Variants in FRMD4B observed in about 807,000 individuals in gnomAD.
FRMD4B encodes the protein FERM domain-containing protein 4B.
In FRMD4B, 74 loss-of-function variants were observed where a neutral mutation model predicts 141.5. The ratio of observed to expected loss-of-function variants is 0.52; its 90% CI spans 0.43 to 0.63. The LOEUF (loss-of-function observed/expected upper bound fraction) is 0.63, where lower values mean the gene tolerates loss of function less well. Ranked by LOEUF, FRMD4B falls within the 30% of genes least tolerant of loss-of-function variation. The pLI is 0.00. For missense variants in FRMD4B, 1,366 were observed against 1,253.4 expected, an observed-to-expected ratio of 1.09 and a Z score of -1.36; for synonymous variants, 506 against 467.9, an observed-to-expected ratio of 1.08 and a Z score of -1.05.
At chr3:69,306,862 T>C (rs1701412389) in intron 3 of FRMD4B, 1 of 152,108 alleles carries the variant, frequency 6.6e-6, no homozygotes, top group Non-Finnish European at 1.5e-5. Flanking sequence ...ACTCAGTGGT[T>C]TTACGGGGGC....
chr3:69,220,835 C>A (rs1406987023), intron 9 of FRMD4B, among the ~76,000 whole-genome samples: 4 of 152,074 alleles, frequency 2.6e-5, no homozygotes, highest in African/African-American at 9.7e-5. Flanking sequence ...GCCTGGGTGA[C>A]AGAGCAAGAC....
chr3:69,229,798 C>T (rs751824013), intron 7 of FRMD4B, among the ~76,000 whole-genome samples: 13 of 152,046 alleles, frequency 8.6e-5, no homozygotes, highest in Admixed American at 7.2e-4. Context: ...AACAAGGACC[C>T]GGGTTCAAAT....
At chr3:69,513,733 T>G (rs925392935) in intron 1 of FRMD4B, among the ~76,000 whole-genome samples, 2 of 152,014 alleles carry the variant, frequency 1.3e-5, no homozygotes, top group African/African-American at 4.8e-5. Context: ...ACAAAGATAG[T>G]TCAACATGAA....
At position 69,171,193 on chromosome 3, in the gene FRMD4B, A is replaced by G. The variant is rs985481302; in HGVS notation, c.*668T>C. ...GCTTCATTTTCCCCAATCTGCTACC[A>G]TAAGTTATATTACAGGATGCTAAGG... On this transcript the variant is annotated 3_prime_UTR_variant, in exon 23 of 23. Coordinates refer to ENST00000398540, the MANE Select transcript of FRMD4B (RefSeq NM_015123.3). 1 of 152,300 alleles carries G rather than the reference A, an allele frequency of 6.6e-6. No homozygotes were observed. The allele number at this position is 152,300 out of a possible 1,614,324, so 9.4% of individuals were successfully genotyped here. A position where few individuals can be genotyped will look rare whatever the true frequency, so the allele number is the denominator to read the frequency against.
chr3:69,338,013 T>A (rs1312687466), intron 1 of FRMD4B, among the ~76,000 whole-genome samples: 1 of 152,188 alleles, frequency 6.6e-6, no homozygotes, highest in Non-Finnish European at 1.5e-5. Context: ...CACACGTATG[T>A]TTATTGCAGC....
At chr3:69,226,556 C>T (rs2093256526) in intron 7 of FRMD4B, among the ~76,000 whole-genome samples, 1 of 151,812 alleles carries the variant, frequency 6.6e-6, no homozygotes, top group African/African-American at 2.4e-5. Flanking sequence ...GTTATGAAAT[C>T]ATCCCCATCG....
intron 3 of FRMD4B, chr3:69,310,317 C>T (rs1701534125): frequency 2.7e-6 from 1 of 375,888 alleles, no homozygotes; most frequent in Non-Finnish European, 5.3e-6. Context: ...TGATTTTCCA[C>T]CTGATTAAAC....
At chr3:69,229,015 G>GTTT (rs58912710) in intron 7 of FRMD4B, among the ~76,000 whole-genome samples, 49 of 120,994 alleles carry the variant, frequency 4.0e-4, no homozygotes, top group Non-Finnish European at 3.8e-4. Flanking sequence ...TCAAAATCAT[G>GTTT]TTTTTTTTTT....
At chr3:69,249,384 A>G in intron 6 of FRMD4B, 136 bp from the exon 7 acceptor site, 1 of 594,896 alleles carries the variant, frequency 1.7e-6, no homozygotes, top group South Asian at 2.1e-5. Flanking sequence ...TGCTCTCCCT[A>G]TAGGCATAAG....
intron 3 of FRMD4B, among the ~76,000 whole-genome samples, chr3:69,305,790 A>G (rs574154183): frequency 1.3e-5 from 2 of 152,338 alleles, no homozygotes; most frequent in African/African-American, 4.8e-5. Flanking sequence ...TATTTGTATG[A>G]ACTTGCATGG....
intron 3 of FRMD4B, among the ~76,000 whole-genome samples, chr3:69,304,485 A>C (rs1028388648): frequency 5.8e-4 from 82 of 140,770 alleles, no homozygotes; most frequent in Non-Finnish European, 1.0e-3. Context: ...TTCTATCTCA[A>C]AAAAAAAAAA....
chr3:69,400,173 G>T (rs548923495), intron 2 of FRMD4B, among the ~76,000 whole-genome samples: 7 of 151,790 alleles, frequency 4.6e-5, no homozygotes, highest in African/African-American at 1.7e-4. Flanking sequence ...ATCACTTGAG[G>T]CCAGGAGTTT....
At chr3:69,415,111 G>A (rs1020225377) in intron 2 of FRMD4B, among the ~76,000 whole-genome samples, 19 of 152,002 alleles carry the variant, frequency 1.2e-4, no homozygotes, top group African/African-American at 3.4e-4. Context: ...TGATCTACCC[G>A]CCTTGGCCTC....
chr3:69,344,286 C>G (rs1702853116), intron 1 of FRMD4B, among the ~76,000 whole-genome samples: 1 of 151,992 alleles, frequency 6.6e-6, no homozygotes, highest in Non-Finnish European at 1.5e-5. Flanking sequence ...TAATCTGTGC[C>G]CCAAATTTCT....
intron 2 of FRMD4B, among the ~76,000 whole-genome samples, chr3:69,424,116 G>A (rs1174098150): frequency 6.6e-6 from 1 of 152,164 alleles, no homozygotes; most frequent in African/African-American, 2.4e-5. Context: ...TAAATAATGT[G>A]TCTTTAAACA....
chr3:69,393,094 C>T (rs1704413606), intron 2 of FRMD4B, among the ~76,000 whole-genome samples: 1 of 152,084 alleles, frequency 6.6e-6, no homozygotes, highest in Non-Finnish European at 1.5e-5. Context: ...CTATGAATGG[C>T]TTTTTGGCAT....
At chr3:69,339,135 C>T (rs1213737799) in intron 1 of FRMD4B, among the ~76,000 whole-genome samples, 1 of 152,102 alleles carries the variant, frequency 6.6e-6, no homozygotes, top group African/African-American at 2.4e-5. Flanking sequence ...GGTGAAGGTC[C>T]ATGGTGTTCT....
chr3:69,203,320 C>CAAAAAAAAAAAAAAAAAAAAAAA (rs796607832), intron 11 of FRMD4B, among the ~76,000 whole-genome samples: 1 of 107,898 alleles, frequency 9.3e-6, no homozygotes, highest in Non-Finnish European at 1.7e-5. Flanking sequence ...CAAACTTCAG[C>CAAAAAAAAAAAAAAAAAAAAAAA]AAAAAAAAAA....
At chr3:69,451,792 G>A (rs544174061) in intron 1 of FRMD4B, among the ~76,000 whole-genome samples, 5 of 152,264 alleles carry the variant, frequency 3.3e-5, no homozygotes, top group Admixed American at 6.5e-5. Context: ...AAAAACACCA[G>A]TCCCAGCTCT....
Sources: allele counts gnomAD v4.1 joint callset (sites outside exome capture counted in the v4.1 genomes callset), GRCh38; gene constraint gnomAD v4.1.1; transcripts MANE v1.5; gene names NCBI Gene and HGNC (gene_info 2026-07-23, HGNC 2026-07-21).